The following MYO18B variants were observed in gnomAD, a reference collection of about 807,000 sequenced individuals.
MYO18B encodes myosin XVIIIB.
In MYO18B, 204 loss-of-function variants were observed where a neutral mutation model predicts 273.0. The ratio of observed to expected loss-of-function variants is 0.75; its 90% CI spans 0.67 to 0.84. The LOEUF is 0.84. Among genes scored for constraint, MYO18B ranks in the 40% least tolerant of loss-of-function variants. The pLI is 0.00. For missense variants in MYO18B, 3,212 were observed against 3,287.6 expected (o/e 0.98, Z 0.56); for synonymous variants, 1,330 against 1,305.7 (o/e 1.02, Z -0.40).
chr22:26,018,422 C>T (rs5761354), intron 42 of MYO18B, among the ~76,000 whole-genome samples: 76,093 of 151,794 alleles, frequency 0.5, 19,618 homozygotes, highest in African/African-American at 0.56. Flanking sequence ...AACCCCAGCA[C>T]CCTCCTTGCT....
At chr22:25,990,703 AAAAAAAAAAAAAAAAAAG>A (rs1569270662) in intron 39 of MYO18B, among the ~76,000 whole-genome samples, 2 of 53,918 alleles carry the variant, frequency 3.7e-5, no homozygotes, top group East Asian at 5.1e-4. Context: ...AAAAAAAAAA[AAAAAAAAAAAAAAAAAAG>A]AAAAAGAAAA....
intron 1 of MYO18B, among the ~76,000 whole-genome samples, chr22:25,745,942 C>A (rs1041470380): frequency 6.6e-6 from 1 of 152,140 alleles, no homozygotes; most frequent in African/African-American, 2.4e-5. Flanking sequence ...TTCCAGTGAG[C>A]TTGGGCGTGA....
At chr22:25,760,654 A>G (rs2058055970) in intron 1 of MYO18B, among the ~76,000 whole-genome samples, 1 of 152,210 alleles carries the variant, frequency 6.6e-6, no homozygotes, top group African/African-American at 2.4e-5. Flanking sequence ...TATAAATAAA[A>G]TTATAACTTT....
intron 34 of MYO18B, among the ~76,000 whole-genome samples, chr22:25,928,920 G>A (rs2146489679): frequency 6.6e-6 from 1 of 152,194 alleles, no homozygotes; most frequent in East Asian, 1.9e-4. Context: ...CCAGCACTTT[G>A]GGAGGCCAAG....
chr22:25,951,260 G>A (rs931007581), intron 37 of MYO18B, among the ~76,000 whole-genome samples: 1 of 152,232 alleles, frequency 6.6e-6, no homozygotes, highest in African/African-American at 2.4e-5. Flanking sequence ...ATCACAGGGA[G>A]GAAGAGAGGG....
intron 12 of MYO18B, among the ~76,000 whole-genome samples, chr22:25,804,948 G>T (rs1427835379): frequency 6.6e-6 from 1 of 152,192 alleles, no homozygotes; most frequent in Non-Finnish European, 1.5e-5. Flanking sequence ...AAGGTGTGGT[G>T]GGCTTGCCTG....
chr22:25,800,044 T>C (rs2088121602), intron 12 of MYO18B, among the ~76,000 whole-genome samples: 1 of 152,172 alleles, frequency 6.6e-6, no homozygotes. Flanking sequence ...TTGCAGCAAC[T>C]TGGATGGAGC....
the MYO18B span, among the ~76,000 whole-genome samples, chr22:26,043,878 GCTC>G: frequency 6.6e-6 from 1 of 152,054 alleles, no homozygotes; most frequent in Non-Finnish European, 1.5e-5. Context: ...GAACTCCTGA[GCTC>G]CTCAGCCTCC....
chr22:26,026,855 C>G lies in MYO18B; in HGVS notation c.6881C>G (p.Ala2294Gly). The change falls in exon 43 of 44, where the codon GCT becomes GGT. Residue 2294 changes from alanine to glycine, a missense_variant. Physicochemically the swap from Ala to Gly is moderately conservative, Grantham distance 60 (BLOSUM62 0). Coordinates refer to ENST00000335473, the MANE Select transcript of MYO18B (RefSeq NM_032608.7). Reference sequence around the variant, plus strand: ...GCCTCCACACTAAGGAGGGGCAGGGCTGGCAGTGACGAGGGAAACCTCTCG... The same window carrying G: ...GCCTCCACACTAAGGAGGGGCAGGGGTGGCAGTGACGAGGGAAACCTCTCG... ...TGASTLRRGR[A>G]GSDEGNLSLR... 2 of 1,594,542 alleles carry G rather than the reference C, an allele frequency of 1.3e-6. No individual in the cohort carries two copies. Among genetic ancestry groups the G allele is most frequent in the Non-Finnish European group, 1.7e-6 (2 of 1,170,304 alleles).
the MYO18B span, among the ~76,000 whole-genome samples, chr22:26,037,277 C>G: frequency 6.6e-6 from 1 of 152,174 alleles, no homozygotes; most frequent in East Asian, 1.9e-4. Context: ...TTGGTTTCTT[C>G]TCGAGTAATA....
At chr22:25,884,289 A>G (rs1028355987) in intron 25 of MYO18B, among the ~76,000 whole-genome samples, 2 of 152,192 alleles carry the variant, frequency 1.3e-5, no homozygotes, top group Non-Finnish European at 2.9e-5. Flanking sequence ...TTGGGGTCAC[A>G]TGGTCACTGG....
intron 23 of MYO18B, among the ~76,000 whole-genome samples, chr22:25,875,702 C>T (rs2146193446): frequency 6.6e-6 from 1 of 152,326 alleles, no homozygotes; most frequent in East Asian, 1.9e-4. Flanking sequence ...TTCTGATGCA[C>T]ATTCAAGTTT....
chr22:25,876,003 CGTGTGTGTGTGTGTGTGTGT>C lies in MYO18B; in HGVS notation c.4081-163_4081-144del, dbSNP rs4049349. On this transcript the variant is annotated intron_variant, in intron 23 of 43. Transcript: ENST00000335473. The stretch of plus-strand genomic sequence containing the variant: ...CAAAAAGACTACAAGAAAGGAAGCC[CGTGTGTGTGTGTGTGTGTGT>C]GTGTGTGTGTGTGTGTGTGTGTATG... 7.0e-3 allele frequency among the ~76,000 whole-genome samples: 986 copies of C among 140,010 alleles called. 15 individuals are homozygous for C. Among genetic ancestry groups the C allele is most frequent in the African/African-American group, 0.024 (904 of 37,344 alleles). The allele number at this position is 140,010 out of a possible 152,430, so 91.9% of individuals were successfully genotyped here. A position where few individuals can be genotyped will look rare whatever the true frequency, so the allele number is the denominator to read the frequency against.
chr22:26,027,672 G>A lies in MYO18B; in HGVS notation c.7698G>A (p.Gln2566=). ...DVASIMKKYL[Q]K is the part of the protein sequence containing the mutation. Reference sequence around the variant, plus strand: ...CGAGCATAATGAAGAAATACCTCCAGAAGTAGGAACCAGTTCAGGTAAAAG... The same window carrying A: ...CGAGCATAATGAAGAAATACCTCCAAAAGTAGGAACCAGTTCAGGTAAAAG... The change falls in exon 43 of 44, where the codon CAG becomes CAA. Residue 2566 remains glutamine (Q), a synonymous_variant. Coordinates refer to ENST00000335473, the MANE Select transcript of MYO18B (RefSeq NM_032608.7). This position sits in a 1 kb window ranked among gnomAD's most constrained non-coding sequence, Gnocchi z 4.1. 3 of 1,609,854 alleles carry A rather than the reference G, an allele frequency of 1.9e-6. No individual in the cohort carries two copies. The South Asian group carries it at 3.3e-5, about 18-fold the overall frequency.
intron 15 of MYO18B, 28 bp from the exon 16 acceptor site, chr22:25,832,889 C>CTGTTATTT (rs756827152): frequency 6.3e-7 from 1 of 1,596,402 alleles, no homozygotes; most frequent in Non-Finnish European, 8.6e-7. Flanking sequence ...GCTAAAAGTG[C>CTGTTATTT]TAACTTTTAA....
intron 39 of MYO18B, among the ~76,000 whole-genome samples, chr22:25,972,381 T>TC (rs1402212108): frequency 3.3e-5 from 5 of 152,198 alleles, no homozygotes; most frequent in African/African-American, 1.2e-4. Flanking sequence ...TAACAGCCTA[T>TC]CATTTGTGCC....
chr22:25,970,820 T>TATAAAC (rs57488970), intron 39 of MYO18B, among the ~76,000 whole-genome samples: 26,635 of 151,988 alleles, frequency 0.18, 3,278 homozygotes, highest in African/African-American at 0.35. Flanking sequence ...GAGAGAGACT[T>TATAAAC]AAACACTCAG....
At chr22:26,043,511 CT>C in the MYO18B span, among the ~76,000 whole-genome samples, 24,595 of 122,616 alleles carry the variant, frequency 0.2, 2,252 homozygotes, top group African/African-American at 0.35. Context: ...TTTTTTCTTT[CT>C]TTTTTTTTTT....
chr22:25,878,619 A>T (rs1459193268), intron 25 of MYO18B, among the ~76,000 whole-genome samples: 1 of 152,244 alleles, frequency 6.6e-6, no homozygotes, highest in African/African-American at 2.4e-5. Flanking sequence ...CAAATGGCCA[A>T]TAAACTCATG....
Sources: allele counts gnomAD v4.1 joint callset (sites outside exome capture counted in the v4.1 genomes callset), GRCh38; gene constraint gnomAD v4.1.1; non-coding constraint Gnocchi (gnomAD v3.1); transcripts MANE v1.5; gene names NCBI Gene and HGNC (gene_info 2026-07-23, HGNC 2026-07-21).